The following EHMT1 variants were observed in gnomAD, a reference collection of about 807,000 sequenced individuals.
The protein encoded by EHMT1 is euchromatic histone lysine methyltransferase 1, also known as histone-lysine N-methyltransferase EHMT1.
EHMT1 carries 15 observed loss-of-function variants against 147.2 expected under a neutral mutation model. The ratio of observed to expected loss-of-function variants is 0.10; its 90% CI spans 0.07 to 0.16. The LOEUF is 0.16. EHMT1 is among the 10% of genes least tolerant of loss of function. The pLI, the probability that EHMT1 is intolerant of heterozygous loss-of-function variation, is 1.00. For synonymous variants in EHMT1, 795 were observed against 709.6 expected, an observed-to-expected ratio of 1.12 and a Z score of -1.91; for missense variants, 1,587 against 1,772.4, an observed-to-expected ratio of 0.90 and a Z score of 1.88.
At chr9:137,627,393 G>T (rs1190776979) in intron 1 of EHMT1, among the ~76,000 whole-genome samples, 1 of 150,680 alleles carries the variant, frequency 6.6e-6, no homozygotes, top group African/African-American at 2.4e-5. Flanking sequence ...CTCCCAAGTA[G>T]CTGGGATTAC....
chr9:137,805,152 A>G (rs1472463299), intron 18 of EHMT1, among the ~76,000 whole-genome samples: 1 of 149,760 alleles, frequency 6.7e-6, no homozygotes, highest in Non-Finnish European at 1.5e-5. Context: ...GTGTGAGTCC[A>G]TCATCTGCAT....
At chr9:137,707,771 G>A (rs570455258) in intron 1 of EHMT1, among the ~76,000 whole-genome samples, 25 of 152,298 alleles carry the variant, frequency 1.6e-4, no homozygotes, top group Admixed American at 6.5e-5. Context: ...GGGGTTTGGC[G>A]GGTGCCTCCA....
At chr9:137,694,112 G>A (rs1420221405) in intron 1 of EHMT1, among the ~76,000 whole-genome samples, 2 of 70,262 alleles carry the variant, frequency 2.8e-5, no homozygotes, top group Non-Finnish European at 5.3e-5. Flanking sequence ...GACGCTGGCC[G>A]ATACCCCCAC....
intron 1 of EHMT1, chr9:137,638,000 GC>G (rs774908770): frequency 6.6e-6 from 1 of 151,934 alleles, no homozygotes. Context: ...TTCTGTCAGG[GC>G]TTGTGTTCCC....
At chr9:137,762,894 C>G (rs1358352218) in intron 10 of EHMT1, 74 bp downstream of exon 10, 2 of 1,598,412 alleles carry the variant, frequency 1.3e-6, no homozygotes, top group African/African-American at 2.7e-5. Context: ...GGGGCCCCGA[C>G]AGCCCCTCGA....
chr9:137,744,846 C>T (rs781675978), intron 6 of EHMT1, among the ~76,000 whole-genome samples: 9 of 152,250 alleles, frequency 5.9e-5, no homozygotes, highest in Non-Finnish European at 8.8e-5. Flanking sequence ...CTTGTCACAG[C>T]GGTGCTGTTG....
intron 1 of EHMT1, among the ~76,000 whole-genome samples, chr9:137,671,203 T>C (rs887635355): frequency 4.6e-5 from 7 of 152,324 alleles, no homozygotes; most frequent in African/African-American, 1.7e-4. Flanking sequence ...AATTCTTAAT[T>C]TTTTTTCATT....
chr9:137,728,336 C>T lies in EHMT1; in HGVS notation c.643-13C>T. On this transcript the variant is annotated splice_polypyrimidine_tract_variant and intron_variant, in intron 3 of 26. Coordinates refer to ENST00000460843, the MANE Select transcript of EHMT1 (RefSeq NM_024757.5). Reference sequence around the variant, plus strand: ...TTATGCAGTTATAGTTATTCACTGTCTTTGTTTTGAAGCATGCAGCCAGTA... The same window carrying T: ...TTATGCAGTTATAGTTATTCACTGTTTTTGTTTTGAAGCATGCAGCCAGTA... The T allele has an allele frequency of 6.2e-7, 1 of 1,614,188 alleles. No homozygotes were observed. The highest frequency in any genetic ancestry group is 8.5e-7 in the Non-Finnish European group (1 of 1,180,042).
At position 137,687,276 on chromosome 9, in the gene EHMT1, T is replaced by G. The variant is rs193297545; in HGVS notation, c.22-23691T>G. Among the ~76,000 whole-genome samples the G allele has an allele frequency of 4.6e-5, 7 of 152,246 alleles. No homozygotes were observed. In the East Asian group the frequency reaches 7.7e-4, roughly 17 times the overall value. ...GAGTCCTCCAGCTGTATCCTTCTTT[T>G]TCCAATTGTTTTGGCTCTCTTGACC... On this transcript the variant is annotated intron_variant, in intron 1 of 26. Transcript: ENST00000460843.
Position 137,813,411 on chromosome 9 carries a change from A to C in EHMT1, c.3061A>C (p.Ile1021Leu). The C allele has an allele frequency of 6.2e-7, 1 of 1,613,210 alleles. No homozygotes were observed. Among genetic ancestry groups the C allele is most frequent in the Non-Finnish European group, 8.5e-7 (1 of 1,179,826 alleles). ...SRDIARGYER[I>L]PIPCVNAVDS... ...GGACATCGCTCGAGGCTACGAGCGC[A>C]TCCCCATCCCCTGTGTCAACGCCGT... is the stretch of plus-strand genomic sequence containing the variant. The change falls in exon 21 of 27, where the codon ATC becomes CTC. Residue 1021 changes from isoleucine (I) to leucine (L), a missense_variant. Physicochemically the swap from Ile to Leu is conservative, Grantham distance 5. Coordinates refer to ENST00000460843, the MANE Select transcript of EHMT1 (RefSeq NM_024757.5). The surrounding 1 kb of genome is among the most constrained non-coding windows in gnomAD (Gnocchi z 4.9).
At chr9:137,661,586 A>C (rs1424128189) in intron 1 of EHMT1, among the ~76,000 whole-genome samples, 1 of 148,714 alleles carries the variant, frequency 6.7e-6, no homozygotes, top group Non-Finnish European at 1.5e-5. Flanking sequence ...CCTGAGTTCC[A>C]GCAATTCTCC....
At position 137,754,132 on chromosome 9, in the gene EHMT1, T is replaced by C. The variant is rs773333309; in HGVS notation, c.1249-39T>C. On this transcript the variant is annotated intron_variant, in intron 7 of 26. Transcript: ENST00000460843. ...TGCTCTTGCCTTCCGTAGCTTCCTGTGCTTAGTGGTTTATATGCCTGCCCG... is the reference window on the plus strand; with the variant it reads ...TGCTCTTGCCTTCCGTAGCTTCCTGCGCTTAGTGGTTTATATGCCTGCCCG... 5 of 1,613,728 alleles carry C rather than the reference T, an allele frequency of 3.1e-6. No homozygotes were observed. The East Asian group carries it at 1.1e-4, about 36-fold the overall frequency.
intron 16 of EHMT1, among the ~76,000 whole-genome samples, chr9:137,792,959 C>A (rs1436861284): frequency 6.6e-6 from 1 of 152,218 alleles, no homozygotes; most frequent in Non-Finnish European, 1.5e-5. Context: ...CGTAGGGAAC[C>A]TGGCACTAAA....
chr9:137,631,629 A>C (rs1012175235), intron 1 of EHMT1, among the ~76,000 whole-genome samples: 1 of 151,590 alleles, frequency 6.6e-6, no homozygotes, highest in African/African-American at 2.4e-5. Flanking sequence ...TAATCCCAGC[A>C]CTTTGAGAGG....
intron 1 of EHMT1, chr9:137,641,455 C>T: frequency 1.9e-6 from 1 of 517,166 alleles, no homozygotes; most frequent in South Asian, 1.5e-5. Flanking sequence ...GCCTCTTCAT[C>T]CTCCTCCCAA....
chr9:137,781,283 G>A lies in EHMT1; in HGVS notation c.2276-1008G>A, dbSNP rs556168952. On this transcript the variant is annotated intron_variant, in intron 14 of 26. Coordinates refer to ENST00000460843, the MANE Select transcript of EHMT1 (RefSeq NM_024757.5). ...CGACGCTGGGACGTGTGGTGATGAC[G>A]CTGAGATGTGTGGTGATGACGGCAT... Among the ~76,000 whole-genome samples the A allele has an allele frequency of 5.8e-4, 77 of 132,598 alleles. 2 individuals carry two copies. Among genetic ancestry groups the A allele is most frequent in the Non-Finnish European group, 1.0e-3 (62 of 62,100 alleles). The allele number at this position is 132,598 out of a possible 152,430, so 87.0% of individuals were successfully genotyped here.
At chr9:137,691,114 C>T (rs1298175545) in intron 1 of EHMT1, among the ~76,000 whole-genome samples, 1 of 152,030 alleles carries the variant, frequency 6.6e-6, no homozygotes, top group Non-Finnish European at 1.5e-5. Context: ...TCCCTCCCCT[C>T]AGCTCTTGGC....
At chr9:137,704,475 T>C (rs1944087629) in intron 1 of EHMT1, among the ~76,000 whole-genome samples, 1 of 152,242 alleles carries the variant, frequency 6.6e-6, no homozygotes, top group Non-Finnish European at 1.5e-5. Flanking sequence ...GTGTTTGGTT[T>C]TTTTAATGGT....
At chr9:137,659,363 G>C (rs1168593117) in intron 1 of EHMT1, among the ~76,000 whole-genome samples, 4 of 151,516 alleles carry the variant, frequency 2.6e-5, no homozygotes, top group Non-Finnish European at 1.5e-5. Flanking sequence ...TATGAATATA[G>C]TCTCCTAGTT....
Sources: allele counts gnomAD v4.1 joint callset (sites outside exome capture counted in the v4.1 genomes callset), GRCh38; gene constraint gnomAD v4.1.1; non-coding constraint Gnocchi (gnomAD v3.1); transcripts MANE v1.5; gene names NCBI Gene and HGNC (gene_info 2026-07-23, HGNC 2026-07-21).